The following BNC2 variants were observed in gnomAD, a reference collection of about 807,000 sequenced individuals.
BNC2 encodes the protein zinc finger protein basonuclin-2.
Under a neutral mutation model 76.3 loss-of-function variants are expected in BNC2, and 20 were observed. That is an observed-to-expected ratio of 0.26 (90% CI 0.18 to 0.38). The LOEUF is 0.38. BNC2 is among the 10% of genes least tolerant of loss of function. The pLI is 1.00. For missense variants in BNC2, 1,382 were observed against 1,399.8 expected (o/e 0.99, Z 0.20); for synonymous variants, 582 against 514.8 (o/e 1.13, Z -1.77).
intron 5 of BNC2, among the ~76,000 whole-genome samples, chr9:16,500,866 T>C (rs928168503): frequency 2.0e-5 from 3 of 152,188 alleles, no homozygotes; most frequent in Non-Finnish European, 4.4e-5. Context: ...GGTTATTGGG[T>C]TGTCTAATGT....
In BNC2 at chr9:16,731,209, T is replaced by G. The variant is rs538487621; in HGVS notation, c.130-3212A>C. Among the ~76,000 whole-genome samples, 15 of 152,334 alleles carry G rather than the reference T, an allele frequency of 9.8e-5. No homozygotes were observed. In the South Asian group the frequency reaches 1.0e-3, roughly 11 times the overall value. On this transcript the variant is annotated intron_variant, in intron 2 of 6. Coordinates refer to ENST00000380672, the MANE Select transcript of BNC2 (RefSeq NM_017637.6). ...TATGGAATAACTCTCTGGAATCATT[T>G]ATATGAAAATTATTTAAAACTAGAA... is the stretch of plus-strand genomic sequence containing the variant.
chr9:16,548,266 G>T (rs527692863), intron 5 of BNC2, among the ~76,000 whole-genome samples: 1 of 152,014 alleles, frequency 6.6e-6, no homozygotes. Context: ...ATAATCACCC[G>T]TATTCTTATT....
At chr9:16,528,264 T>C (rs1000501295) in intron 5 of BNC2, among the ~76,000 whole-genome samples, 1 of 152,212 alleles carries the variant, frequency 6.6e-6, no homozygotes, top group Non-Finnish European at 1.5e-5. Context: ...ACTTTTTCTC[T>C]TATTTTTTCT....
At chr9:16,467,679 T>C (rs1366880691) in intron 5 of BNC2, among the ~76,000 whole-genome samples, 1 of 125,870 alleles carries the variant, frequency 7.9e-6, no homozygotes. Context: ...CTGGGGACTG[T>C]GGTGGGGTCG....
chr9:16,665,466 GAAAGAAAGAAAGAAAGAA>G (rs1822258013), intron 3 of BNC2, among the ~76,000 whole-genome samples: 1 of 142,840 alleles, frequency 7.0e-6, no homozygotes, highest in African/African-American at 2.6e-5. Flanking sequence ...AAGAAAGAAA[GAAAGAAAGAAAGAAAGAA>G]AGAAAGAGAG....
intron 3 of BNC2, among the ~76,000 whole-genome samples, chr9:16,708,148 G>A (rs1337399): frequency 0.61 from 92,147 of 152,010 alleles, 31,021 homozygotes; most frequent in Non-Finnish European, 0.79. Context: ...AAGGTGCCCA[G>A]AGTTTTGTAG....
chr9:16,810,769 ATACCC>A (rs1477144953), intron 1 of BNC2, among the ~76,000 whole-genome samples: 2 of 152,234 alleles, frequency 1.3e-5, no homozygotes, highest in African/African-American at 4.8e-5. Flanking sequence ...CGCTAGCCAG[ATACCC>A]TACCTCAGAG....
intron 5 of BNC2, 141 bp from the exon 6 acceptor site, chr9:16,437,665 TA>T (rs1821047347): frequency 9.7e-7 from 1 of 1,029,988 alleles, no homozygotes; most frequent in African/African-American, 1.6e-5. Flanking sequence ...GCACTGTTAA[TA>T]AAAGTCAACC....
intron 5 of BNC2, among the ~76,000 whole-genome samples, chr9:16,446,381 GA>G (rs1209030409): frequency 6.6e-6 from 1 of 152,078 alleles, no homozygotes; most frequent in Non-Finnish European, 1.5e-5. Context: ...CTAGTTTTTA[GA>G]AGGAAGAAGC....
chr9:16,409,628 A>G lies in BNC2; in HGVS notation c.*9361T>C, dbSNP rs1452529667. On this transcript the variant is annotated 3_prime_UTR_variant, in exon 7 of 7. Coordinates refer to ENST00000380672, the MANE Select transcript of BNC2 (RefSeq NM_017637.6). Reference sequence around the variant, plus strand: ...CCCAAACCCTTATGCATTTTATGCAAAAGACATACTGTAGGCAGTTATAGT... The same window carrying G: ...CCCAAACCCTTATGCATTTTATGCAGAAGACATACTGTAGGCAGTTATAGT... The G allele has an allele frequency of 6.5e-6, 1 of 152,702 alleles. No individual in the cohort carries two copies. The highest frequency in any genetic ancestry group is 1.5e-5 in the Non-Finnish European group (1 of 68,042). The allele number at this position is 152,702 out of a possible 1,614,324, so 9.5% of individuals were successfully genotyped here.
At chr9:16,687,886 T>C (rs1823023528) in intron 3 of BNC2, among the ~76,000 whole-genome samples, 1 of 152,294 alleles carries the variant, frequency 6.6e-6, no homozygotes, top group East Asian at 1.9e-4. Context: ...ATACACTGTT[T>C]CTAAGAGAAA....
At chr9:16,834,482 T>G (rs1469974737) in intron 1 of BNC2, among the ~76,000 whole-genome samples, 1 of 152,234 alleles carries the variant, frequency 6.6e-6, no homozygotes, top group Non-Finnish European at 1.5e-5. Flanking sequence ...AAGTCAGACC[T>G]TGCTATTACC....
intron 3 of BNC2, among the ~76,000 whole-genome samples, chr9:16,678,942 T>C (rs1284267973): frequency 6.6e-6 from 1 of 152,122 alleles, no homozygotes; most frequent in African/African-American, 2.4e-5. Context: ...GCTTGAGGAG[T>C]AACCTTCTAT....
intron 3 of BNC2, chr9:16,726,793 G>A (rs1029601283): frequency 2.7e-4 from 41 of 152,152 alleles, no homozygotes; most frequent in African/African-American, 5.6e-4. Context: ...CTAGGAGGGA[G>A]GCACCAGGGA....
chr9:16,461,191 C>T (rs1278295191), intron 5 of BNC2, among the ~76,000 whole-genome samples: 7 of 152,016 alleles, frequency 4.6e-5, no homozygotes, highest in Non-Finnish European at 1.0e-4. Context: ...ATGTGAATGC[C>T]GCTCACTTGA....
At chr9:16,549,277 G>A (rs535215866) in intron 5 of BNC2, among the ~76,000 whole-genome samples, 8 of 152,088 alleles carry the variant, frequency 5.3e-5, no homozygotes, top group Non-Finnish European at 7.3e-5. Flanking sequence ...TCAACTTACC[G>A]TACATCTTCA....
At chr9:16,702,669 G>C (rs1012725765) in intron 3 of BNC2, among the ~76,000 whole-genome samples, 10 of 151,776 alleles carry the variant, frequency 6.6e-5, no homozygotes, top group Non-Finnish European at 8.8e-5. Flanking sequence ...AAAAATTCAA[G>C]CTTCCCAAGG....
intron 3 of BNC2, among the ~76,000 whole-genome samples, chr9:16,634,044 C>T (rs1177685846): frequency 6.6e-6 from 1 of 152,162 alleles, no homozygotes; most frequent in South Asian, 2.1e-4. Flanking sequence ...TTGATGCTTA[C>T]CAGCTAATAC....
chr9:16,708,620 G>C (rs1226609247), intron 3 of BNC2, among the ~76,000 whole-genome samples: 2 of 152,042 alleles, frequency 1.3e-5, no homozygotes, highest in South Asian at 2.1e-4. Context: ...ACCAGATTGA[G>C]ACAAAAGCAA....
Sources: gnomAD v4.1 joint callset for allele counts (sites outside exome capture counted in the v4.1 genomes callset) on GRCh38, gnomAD v4.1.1 for gene constraint, MANE v1.5 for transcripts, NCBI Gene and HGNC (gene_info 2026-07-23, HGNC 2026-07-21) for gene names.